The following UCHL5 variants were observed in gnomAD, a reference collection of about 807,000 sequenced individuals.
The protein encoded by UCHL5 is ubiquitin carboxyl-terminal hydrolase isozyme L5.
In UCHL5, 34 loss-of-function variants were observed where a neutral mutation model predicts 53.8. That is an observed-to-expected ratio of 0.63 (90% confidence interval 0.48 to 0.84). UCHL5 has a LOEUF of 0.84. Ranked by LOEUF, UCHL5 falls within the 40% of genes least tolerant of loss-of-function variation. The pLI is 0.00. For missense variants in UCHL5, 290 were observed against 385.6 expected (o/e 0.75, Z 2.08); for synonymous variants, 111 against 126.3 (o/e 0.88, Z 0.81).
chr1:193,023,115 A>G, intron 8 of UCHL5, 79 bp from the exon 9 acceptor site: 1 of 1,094,928 alleles, frequency 9.1e-7, no homozygotes, highest in Non-Finnish European at 1.3e-6. Flanking sequence ...TGATAAACAC[A>G]GTATGATTAT....
intron 3 of UCHL5, among the ~76,000 whole-genome samples, chr1:193,044,306 A>G (rs1666685137): frequency 6.6e-6 from 1 of 152,186 alleles, no homozygotes. Context: ...CATTGTAGGT[A>G]TTCAGTCATT....
intron 3 of UCHL5, among the ~76,000 whole-genome samples, chr1:193,043,688 A>T (rs757206946): frequency 2.0e-5 from 3 of 152,154 alleles, no homozygotes; most frequent in Non-Finnish European, 2.9e-5. Context: ...GTGGGGCTGG[A>T]GACTAAGGTC....
At chr1:193,036,749 C>T (rs1210387496) in intron 3 of UCHL5, among the ~76,000 whole-genome samples, 4 of 151,992 alleles carry the variant, frequency 2.6e-5, no homozygotes, top group Admixed American at 2.0e-4. Flanking sequence ...GTCCACAAAA[C>T]AAGTTCTCAA....
At chr1:193,016,492 G>T in intron 10 of UCHL5, 97 bp from the exon 11 acceptor site, 1 of 1,109,750 alleles carries the variant, frequency 9.0e-7, no homozygotes, top group Non-Finnish European at 1.3e-6. Flanking sequence ...AAGCTGAAAG[G>T]CTTGAAATAC....
intron 3 of UCHL5, 124 bp from the exon 4 acceptor site, chr1:193,029,781 A>G: frequency 1.3e-6 from 1 of 795,676 alleles, no homozygotes. Context: ...CTCAGCATAA[A>G]CAGAATAAAT....
chr1:193,018,540 T>A (rs1655674642), intron 10 of UCHL5: 1 of 1,148,966 alleles, frequency 8.7e-7, no homozygotes, highest in Admixed American at 4.6e-5. Flanking sequence ...AACGAATTCA[T>A]CGGTTAAAAA....
At chr1:193,050,707 C>T (rs1668746351) in intron 2 of UCHL5, among the ~76,000 whole-genome samples, 1 of 151,724 alleles carries the variant, frequency 6.6e-6, no homozygotes, top group Non-Finnish European at 1.5e-5. Context: ...AATCGCACCA[C>T]TGCACTGCAA....
chr1:193,029,282 C>T lies in UCHL5; in HGVS notation c.462G>A (p.Lys154=), dbSNP rs1660482700. ...AAGCATCTTCTTCTTTTGCTGATGT[C>T]TTCGTATCAAATTCAAACATTTGCT... is the stretch of plus-strand genomic sequence containing the variant. ...ARQQMFEFDT[K]TSAKEEDAFH... is the part of the protein sequence containing the mutation. Residue 154 remains lysine, a synonymous_variant, in exon 6 of 11, where the codon AAG becomes AAA. Coordinates refer to ENST00000367454, the MANE Select transcript of UCHL5 (RefSeq NM_001199261.3). 1 of 1,613,574 alleles carries T rather than the reference C, an allele frequency of 6.2e-7. No homozygotes were observed. The highest frequency in any genetic ancestry group is 1.1e-5 in the South Asian group (1 of 91,072).
chr1:193,024,324 A>G (rs1658328096), intron 7 of UCHL5, among the ~76,000 whole-genome samples: 1 of 151,702 alleles, frequency 6.6e-6, no homozygotes, highest in Non-Finnish European at 1.5e-5. Context: ...ATCAATCACA[A>G]ATGTTTTTTA....
intron 3 of UCHL5, among the ~76,000 whole-genome samples, chr1:193,041,482 G>A (rs949675679): frequency 5.3e-5 from 8 of 152,132 alleles, no homozygotes; most frequent in Non-Finnish European, 7.3e-5. Flanking sequence ...GCAATGCCAC[G>A]TGTTATAATA....
In UCHL5 at chr1:193,015,820, A is replaced by G. The variant is rs989035637; in HGVS notation, c.*531T>C. The G allele has an allele frequency of 2.0e-5, 3 of 152,174 alleles. No individual in the cohort carries two copies. The highest frequency in any genetic ancestry group is 6.6e-5 in the Admixed American group (1 of 15,224). The allele number at this position is 152,174 out of a possible 1,614,324, so 9.4% of individuals were successfully genotyped here. A position where few individuals can be genotyped will look rare whatever the true frequency, so the allele number is the denominator to read the frequency against. ...TACTGACAGCAGTGAAAATCACTGG[A>G]AATTATACTTTTGTCCTTTTTAAAT... On this transcript the variant is annotated 3_prime_UTR_variant, in exon 11 of 11. Coordinates refer to ENST00000367454, the MANE Select transcript of UCHL5 (RefSeq NM_001199261.3).
chr1:193,051,366 A>G (rs1281231018), intron 2 of UCHL5, among the ~76,000 whole-genome samples: 1 of 152,066 alleles, frequency 6.6e-6, no homozygotes, highest in Non-Finnish European at 1.5e-5. Context: ...GGATTACTAT[A>G]AATATATATT....
intron 3 of UCHL5, among the ~76,000 whole-genome samples, chr1:193,038,234 A>G (rs186559859): frequency 2.0e-5 from 3 of 152,244 alleles, no homozygotes; most frequent in African/African-American, 7.2e-5. Context: ...AGGCGGGCAG[A>G]TTACGAGGTC....
At chr1:193,017,520 T>C (rs1368805384) in intron 10 of UCHL5, among the ~76,000 whole-genome samples, 1 of 151,642 alleles carries the variant, frequency 6.6e-6, no homozygotes, top group Non-Finnish European at 1.5e-5. Flanking sequence ...TGTAATTTGA[T>C]ATGTGTATCG....
Position 193,021,241 on chromosome 1 carries a change from T to C in UCHL5, c.844-46A>G, listed in dbSNP as rs191831833. On this transcript the variant is annotated intron_variant, in intron 9 of 10. Coordinates refer to ENST00000367454, the MANE Select transcript of UCHL5 (RefSeq NM_001199261.3). ...CACACTAACTACATTTCTGCTAATT[T>C]TGATATTTTATTCTTTGCATCCAAC... is the stretch of plus-strand genomic sequence containing the variant. The C allele has an allele frequency of 9.2e-6, 12 of 1,300,264 alleles. No individual in the cohort carries two copies. In the Admixed American group the frequency reaches 1.4e-4, roughly 15 times the overall value. 80.5% of individuals were successfully genotyped at this position (1,300,264 alleles called of 1,614,324 possible). A position where few individuals can be genotyped will look rare whatever the true frequency, so the allele number is the denominator to read the frequency against.
intron 10 of UCHL5, chr1:193,019,827 A>C: frequency 3.2e-6 from 3 of 942,432 alleles, no homozygotes; most frequent in Non-Finnish European, 3.8e-6. Context: ...TTTTAATGCA[A>C]AATTTATACA....
At chr1:193,036,444 A>G (rs545698916) in intron 3 of UCHL5, among the ~76,000 whole-genome samples, 46 of 151,938 alleles carry the variant, frequency 3.0e-4, no homozygotes, top group Admixed American at 9.2e-4. Context: ...GGGTCAATCT[A>G]GCAAGAGAAT....
At chr1:193,019,895 A>G in intron 10 of UCHL5, 1 of 964,922 alleles carries the variant, frequency 1.0e-6, no homozygotes, top group Non-Finnish European at 1.2e-6. Flanking sequence ...TTAAAATCTG[A>G]TGTATCACAT....
chr1:193,033,136 G>A (rs903662706), intron 3 of UCHL5, among the ~76,000 whole-genome samples: 5 of 152,062 alleles, frequency 3.3e-5, no homozygotes, highest in South Asian at 4.1e-4. Context: ...CCAAATGCTC[G>A]TCAATGATAG....
Sources: allele counts gnomAD v4.1 joint callset (sites outside exome capture counted in the v4.1 genomes callset), GRCh38; gene constraint gnomAD v4.1.1; transcripts MANE v1.5; gene names NCBI Gene and HGNC (gene_info 2026-07-23, HGNC 2026-07-21).